SLC22A25: variants seen among roughly 807,000 people sequenced by gnomAD.
SLC22A25 encodes MGI:2442751, MGI:2385316, MGI:3042283, MGI:3645714, MGI:3605624, MGI:2442750.
In SLC22A25, 44 loss-of-function variants were observed where a neutral mutation model predicts 45.9. The ratio of observed to expected loss-of-function variants is 0.96; its 90% CI spans 0.75 to 1.23. SLC22A25 has a LOEUF of 1.23. Among genes scored for constraint, SLC22A25 ranks in the 50% most tolerant of loss-of-function variants. The pLI is 0.00. For missense variants in SLC22A25, 800 were observed against 666.4 expected, an observed-to-expected ratio of 1.20 and a Z score of -2.21; for synonymous variants, 283 against 238.6, an observed-to-expected ratio of 1.19 and a Z score of -1.72.
At chr11:63,232,045 A>G (rs1025318417) in intron 3 of SLC22A25, among the ~76,000 whole-genome samples, 27 of 152,092 alleles carry the variant, frequency 1.8e-4, no homozygotes, top group Non-Finnish European at 2.5e-4. Flanking sequence ...GCCTTGTAGT[A>G]TAGTTTGAAG....
intron 7 of SLC22A25, among the ~76,000 whole-genome samples, chr11:63,206,219 C>T (rs776355297): frequency 7.9e-5 from 12 of 152,120 alleles, no homozygotes; most frequent in Non-Finnish European, 1.6e-4. Context: ...CCTTTGAAAA[C>T]CAGCACAAGA....
chr11:63,171,215 G>T (rs1195480745), intron 9 of SLC22A25, among the ~76,000 whole-genome samples: 1 of 152,068 alleles, frequency 6.6e-6, no homozygotes, highest in African/African-American at 2.4e-5. Flanking sequence ...ATACAGAATG[G>T]GCAAAAGCTG....
intron 8 of SLC22A25, among the ~76,000 whole-genome samples, chr11:63,182,320 G>C (rs2088357812): frequency 6.6e-6 from 1 of 151,774 alleles, no homozygotes; most frequent in African/African-American, 2.4e-5. Context: ...ACACTTAATT[G>C]TTGTTGTTGT....
chr11:63,242,247 C>T (rs1391677053), intron 1 of SLC22A25, among the ~76,000 whole-genome samples: 4 of 152,192 alleles, frequency 2.6e-5, no homozygotes, highest in Non-Finnish European at 4.4e-5. Flanking sequence ...CACCGAAAAC[C>T]ACATACTAAC....
At chr11:63,232,460 T>G (rs553501475) in intron 3 of SLC22A25, among the ~76,000 whole-genome samples, 8 of 152,374 alleles carry the variant, frequency 5.3e-5, no homozygotes, top group Admixed American at 1.3e-4. Context: ...ATAAGAATGC[T>G]TGTGATTTTT....
chr11:63,188,772 C>A (rs558681864), intron 7 of SLC22A25, among the ~76,000 whole-genome samples: 40 of 152,286 alleles, frequency 2.6e-4, no homozygotes, highest in Middle Eastern at 3.4e-3. Flanking sequence ...CTTCAAAGAA[C>A]ATCTTTATTT....
At chr11:63,236,495 C>T (rs1028530343) in intron 3 of SLC22A25, among the ~76,000 whole-genome samples, 19 of 152,044 alleles carry the variant, frequency 1.2e-4, no homozygotes, top group South Asian at 2.1e-4. Context: ...ATTGGAAAAG[C>T]ATAGTATTAG....
At position 63,158,771 on chromosome 11, in the gene SLC22A25, TTA is replaced by T; in HGVS notation, c.*5051_*5052del. Among the ~76,000 whole-genome samples the T allele has an allele frequency of 6.6e-6, 1 of 152,360 alleles. No homozygotes were observed. Among genetic ancestry groups the T allele is most frequent in the South Asian group, 2.1e-4 (1 of 4,830 alleles). ...TTACAAACAATCCAATTATACTTTT[TTA>T]GTTATTTAAAAATGAATTAAGTTAT... On this transcript the variant is annotated 3_prime_UTR_variant, in exon 12 of 12. Coordinates refer to ENST00000306494, the MANE Select transcript of SLC22A25 (RefSeq NM_199352.6).
chr11:63,201,649 T>C (rs1012464703), intron 7 of SLC22A25, among the ~76,000 whole-genome samples: 4 of 151,992 alleles, frequency 2.6e-5, no homozygotes, highest in African/African-American at 9.7e-5. Flanking sequence ...AAAGCAAAAA[T>C]TGACAAATGG....
At chr11:63,178,989 T>C (rs2088219875) in intron 9 of SLC22A25, among the ~76,000 whole-genome samples, 1 of 151,718 alleles carries the variant, frequency 6.6e-6, no homozygotes, top group South Asian at 2.1e-4. Flanking sequence ...TGAAATGGGG[T>C]TTTGCTCTGT....
Position 63,163,695 on chromosome 11 carries a change from A to G in SLC22A25, c.*129T>C. ...TGATCTAGTGAGGCTCAGGGGATGT[A>G]TGAGGTCACTGTGGAAGGGATGAGG... On this transcript the variant is annotated 3_prime_UTR_variant, in exon 12 of 12. Coordinates refer to ENST00000306494, the MANE Select transcript of SLC22A25 (RefSeq NM_199352.6). 1 of 1,274,572 alleles carries G rather than the reference A, an allele frequency of 7.8e-7. No homozygotes were observed. The highest frequency in any genetic ancestry group is 1.1e-6 in the Non-Finnish European group (1 of 932,962). The allele number at this position is 1,274,572 out of a possible 1,614,324, so 79.0% of individuals were successfully genotyped here.
At chr11:63,171,973 C>T (rs768052388) in intron 9 of SLC22A25, among the ~76,000 whole-genome samples, 14 of 151,562 alleles carry the variant, frequency 9.2e-5, no homozygotes, top group South Asian at 6.2e-4. Context: ...ACCAATGGAG[C>T]GAACAGAAAT....
intron 1 of SLC22A25, among the ~76,000 whole-genome samples, 133 bp from the exon 2 acceptor site, chr11:63,239,268 T>C (rs1362068145): frequency 6.6e-6 from 1 of 152,224 alleles, no homozygotes; most frequent in African/African-American, 2.4e-5. Context: ...AGCAGGACCA[T>C]GGAAGGTTAC....
At chr11:63,195,759 C>A (rs1345590301) in intron 7 of SLC22A25, among the ~76,000 whole-genome samples, 4 of 151,952 alleles carry the variant, frequency 2.6e-5, no homozygotes. Flanking sequence ...AAGATCAGAG[C>A]AGAACTGAAG....
At chr11:63,238,382 G>A (rs2090197450) in intron 2 of SLC22A25, among the ~76,000 whole-genome samples, 1 of 121,302 alleles carries the variant, frequency 8.2e-6, no homozygotes, top group African/African-American at 4.0e-5. Context: ...GGGCATGGGG[G>A]TTTTGATCAA....
intron 5 of SLC22A25, among the ~76,000 whole-genome samples, chr11:63,225,455 A>G (rs2089942156): frequency 6.6e-6 from 1 of 152,008 alleles, no homozygotes; most frequent in Non-Finnish European, 1.5e-5. Flanking sequence ...ATATCATGCC[A>G]CTCTGTCCTG....
rs116840161 is a variant in SLC22A25 at position 63,184,262 on chromosome 11, C to T, written c.831-445G>A. ...CTGGCCATACCATCTATGACCAAAA[C>T]TGGATATATTAGCAAGTCATTTACC... On this transcript the variant is annotated intron_variant, in intron 7 of 11. Transcript: ENST00000306494. Among the ~76,000 whole-genome samples, 470 of 152,234 alleles carry T rather than the reference C, an allele frequency of 3.1e-3. 2 individuals are homozygous for T. The highest frequency in any genetic ancestry group is 0.011 in the African/African-American group (449 of 41,548).
intron 9 of SLC22A25, among the ~76,000 whole-genome samples, chr11:63,175,614 T>G (rs897004671): frequency 2.0e-5 from 3 of 152,052 alleles, no homozygotes; most frequent in African/African-American, 7.2e-5. Context: ...GATGTCCTAT[T>G]TGTATATTTT....
intron 3 of SLC22A25, among the ~76,000 whole-genome samples, chr11:63,234,909 C>T (rs1016265458): frequency 6.6e-6 from 1 of 152,126 alleles, no homozygotes; most frequent in Non-Finnish European, 1.5e-5. Flanking sequence ...CTTAGTTTGG[C>T]TGGATATGAA....
Sources: allele counts gnomAD v4.1 joint callset (sites outside exome capture counted in the v4.1 genomes callset), GRCh38; gene constraint gnomAD v4.1.1; transcripts MANE v1.5; gene names NCBI Gene and HGNC (gene_info 2026-07-23, HGNC 2026-07-21).